EML4: variants seen among roughly 807,000 people sequenced by gnomAD.
EML4 encodes EMAP like 4.
In EML4, 72 loss-of-function variants were observed where a neutral mutation model predicts 129.0. That is an observed-to-expected ratio of 0.56 (90% CI 0.46 to 0.68). The LOEUF (loss-of-function observed/expected upper bound fraction) is 0.68. Ranked by LOEUF, EML4 falls within the 30% of genes least tolerant of loss-of-function variation. The pLI is 0.00. For missense variants in EML4, 1,363 were observed against 1,190.6 expected (o/e 1.14, Z -2.13); for synonymous variants, 532 against 405.0 (o/e 1.31, Z -3.77).
chr2:42,228,678 T>G (rs1000843709), intron 1 of EML4, among the ~76,000 whole-genome samples: 2 of 152,202 alleles, frequency 1.3e-5, no homozygotes, highest in African/African-American at 2.4e-5. Flanking sequence ...TTCATTCTTT[T>G]CTCTCCTGGT....
At chr2:42,327,466 C>T (rs375411464) in intron 21 of EML4, among the ~76,000 whole-genome samples, 3 of 152,196 alleles carry the variant, frequency 2.0e-5, no homozygotes, top group Non-Finnish European at 4.4e-5. Context: ...CAGCAGTGTA[C>T]GAGGGTTCTG....
At chr2:42,206,786 A>G (rs939596832) in intron 1 of EML4, among the ~76,000 whole-genome samples, 6 of 152,348 alleles carry the variant, frequency 3.9e-5, no homozygotes, top group Admixed American at 1.3e-4. Context: ...TAAAATTTAA[A>G]TCATCACAGT....
At chr2:42,312,024 T>G (rs1027369625) in intron 17 of EML4, among the ~76,000 whole-genome samples, 2 of 152,142 alleles carry the variant, frequency 1.3e-5, no homozygotes, top group African/African-American at 4.8e-5. Flanking sequence ...TATGCACTTT[T>G]TGAAATGAAA....
At chr2:42,232,127 A>G (rs1674384623) in intron 1 of EML4, among the ~76,000 whole-genome samples, 1 of 152,164 alleles carries the variant, frequency 6.6e-6, no homozygotes, top group Non-Finnish European at 1.5e-5. Flanking sequence ...ATGATTCTTA[A>G]TCATAGAAAC....
chr2:42,314,451 T>C (rs10196091), intron 17 of EML4, among the ~76,000 whole-genome samples: 25,262 of 152,190 alleles, frequency 0.17, 2,283 homozygotes, highest in African/African-American at 0.25. Flanking sequence ...TTTAGGCAGC[T>C]AACCTAATTC....
At chr2:42,191,819 G>A (rs1239966282) in intron 1 of EML4, among the ~76,000 whole-genome samples, 1 of 152,114 alleles carries the variant, frequency 6.6e-6, no homozygotes, top group Non-Finnish European at 1.5e-5. Flanking sequence ...CAACACTTTG[G>A]GAGGCTGAGG....
chr2:42,200,153 CAAAAAAAA>C lies in EML4; in HGVS notation c.25+30532_25+30539del, dbSNP rs11421705. On this transcript the variant is annotated intron_variant, in intron 1 of 22. Coordinates refer to ENST00000318522, the MANE Select transcript of EML4 (RefSeq NM_019063.5). ...TGAAACCCCATCTCTACTAAAAATA[CAAAAAAAA>C]AAAAAAAAAAAAAATTAGCTGGACA... is the stretch of plus-strand genomic sequence containing the variant. Among the ~76,000 whole-genome samples the C allele has an allele frequency of 2.5e-4, 21 of 84,450 alleles. No individual in the cohort carries two copies. In the East Asian group the frequency reaches 3.3e-3, roughly 13 times the overall value. 55.4% of individuals were successfully genotyped at this position (84,450 alleles called of 152,430 possible).
Position 42,331,103 on chromosome 2 carries a change from T to G in EML4, c.*896T>G, listed in dbSNP as rs1407276641. 4.6e-6 allele frequency: 1 copy of G among 218,100 alleles called. No homozygotes were observed. The highest frequency in any genetic ancestry group is 9.2e-6 in the Non-Finnish European group (1 of 108,342). The allele number at this position is 218,100 out of a possible 1,614,324, so 13.5% of individuals were successfully genotyped here. On this transcript the variant is annotated 3_prime_UTR_variant, in exon 23 of 23. Transcript: ENST00000318522. ...ATTTCAGCTAAGCCTTCATCATAATTTGTTCCCTCAGTAATAGGAGAAATA... is the reference window on the plus strand; with the variant it reads ...ATTTCAGCTAAGCCTTCATCATAATGTGTTCCCTCAGTAATAGGAGAAATA...
At chr2:42,175,894 T>C (rs1179200558) in intron 1 of EML4, among the ~76,000 whole-genome samples, 2 of 152,356 alleles carry the variant, frequency 1.3e-5, no homozygotes, top group East Asian at 3.9e-4. Context: ...GTTAACATGT[T>C]AATGTACTTG....
At chr2:42,312,624 G>T (rs1669024305) in intron 17 of EML4, among the ~76,000 whole-genome samples, 1 of 151,730 alleles carries the variant, frequency 6.6e-6, no homozygotes, top group African/African-American at 2.4e-5. Flanking sequence ...CGCAATCTCG[G>T]CTCACTGCAA....
At chr2:42,213,924 G>A (rs1195147369) in intron 1 of EML4, among the ~76,000 whole-genome samples, 8 of 152,170 alleles carry the variant, frequency 5.3e-5, no homozygotes, top group Non-Finnish European at 1.2e-4. Context: ...TAAGCTGAAT[G>A]TATAGGATTT....
intron 1 of EML4, among the ~76,000 whole-genome samples, chr2:42,203,271 G>C (rs1012836875): frequency 6.6e-6 from 1 of 152,092 alleles, no homozygotes; most frequent in Non-Finnish European, 1.5e-5. Flanking sequence ...AGTATATGAA[G>C]GTAAGTTTGG....
rs1360967118 is a variant in EML4, at chr2:42,196,641, CAA to C, written c.25+27007_25+27008del. Among the ~76,000 whole-genome samples, 9 of 152,282 alleles carry C rather than the reference CAA, an allele frequency of 5.9e-5. No individual in the cohort carries two copies. The South Asian group carries it at 1.7e-3, about 28-fold the overall frequency. ...TTTATGTATCTAGTTATCAGCGAAA[CAA>C]AGAGCTGGAGTGAGAAAGGGAAAGA... On this transcript the variant is annotated intron_variant, in intron 1 of 22. Coordinates refer to ENST00000318522, the MANE Select transcript of EML4 (RefSeq NM_019063.5).
At chr2:42,183,368 C>T (rs1346051225) in intron 1 of EML4, among the ~76,000 whole-genome samples, 4 of 152,078 alleles carry the variant, frequency 2.6e-5, no homozygotes, top group Non-Finnish European at 5.9e-5. Flanking sequence ...TCTGTGTAAA[C>T]AATTGATGTG....
At chr2:42,171,525 C>G (rs1477524022) in intron 1 of EML4, among the ~76,000 whole-genome samples, 2 of 152,154 alleles carry the variant, frequency 1.3e-5, no homozygotes, top group East Asian at 1.9e-4. Context: ...GCAAGTGATA[C>G]AAAAGACCGA....
At chr2:42,219,322 C>G (rs1439811013) in intron 1 of EML4, among the ~76,000 whole-genome samples, 1 of 152,024 alleles carries the variant, frequency 6.6e-6, no homozygotes, top group Non-Finnish European at 1.5e-5. Context: ...TATACAGAGG[C>G]CTCAGTTTTT....
chr2:42,314,648 C>G (rs1260201917), intron 17 of EML4, among the ~76,000 whole-genome samples: 1 of 152,188 alleles, frequency 6.6e-6, no homozygotes, highest in Non-Finnish European at 1.5e-5. Context: ...TCAAGACTTA[C>G]TTTTAATGTA....
intron 19 of EML4, among the ~76,000 whole-genome samples, chr2:42,322,334 A>G (rs1669567381): frequency 6.6e-6 from 1 of 152,352 alleles, no homozygotes; most frequent in Non-Finnish European, 1.5e-5. Flanking sequence ...ACTAGTTGCT[A>G]CTGCATTGGA....
At chr2:42,232,710 C>T (rs530611885) in intron 1 of EML4, among the ~76,000 whole-genome samples, 1 of 152,116 alleles carries the variant, frequency 6.6e-6, no homozygotes, top group South Asian at 2.1e-4. Flanking sequence ...TCTGTAAAGG[C>T]CTTTTTGTTT....
Sources: gnomAD v4.1 joint callset for allele counts (sites outside exome capture counted in the v4.1 genomes callset) on GRCh38, gnomAD v4.1.1 for gene constraint, MANE v1.5 for transcripts, NCBI Gene and HGNC (gene_info 2026-07-23, HGNC 2026-07-21) for gene names.